The following DDHD2 variants were observed in gnomAD, a reference collection of about 807,000 sequenced individuals.
DDHD2 encodes triacylglycerol hydrolase DDHD2.
In DDHD2, 62 loss-of-function variants were observed where a neutral mutation model predicts 91.2. The ratio of observed to expected loss-of-function variants is 0.68; its 90% confidence interval spans 0.55 to 0.84. The LOEUF (loss-of-function observed/expected upper bound fraction) is 0.84. Among genes scored for constraint, DDHD2 ranks in the 40% least tolerant of loss-of-function variants. DDHD2 has a pLI of 0.00. For synonymous variants in DDHD2, 271 were observed against 293.9 expected (o/e 0.92, Z 0.80); for missense variants, 740 against 846.9 (o/e 0.87, Z 1.57).
intron 1 of DDHD2, chr8:38,268,736 C>T (rs923850521): frequency 7.0e-7 from 1 of 1,433,920 alleles, no homozygotes; most frequent in Non-Finnish European, 9.1e-7. Flanking sequence ...ATCTTAAACA[C>T]TCGAGCCCTA....
In DDHD2 at chr8:38,253,730, T is replaced by C. The variant is rs747182912; in HGVS notation, c.2054+12T>C. ...CATCTATGCTACTGGTAAATGTTGT[T>C]TATTTTTGTCTGTTTTGTTTGTTTA... On this transcript the variant is annotated intron_variant, in intron 16 of 17. Coordinates refer to ENST00000397166, the MANE Select transcript of DDHD2 (RefSeq NM_015214.3). The C allele has an allele frequency of 6.2e-7, 1 of 1,610,742 alleles. No homozygotes were observed.
chr8:38,253,477 G>A, intron 15 of DDHD2, 79 bp from the exon 16 acceptor site: 1 of 1,246,964 alleles, frequency 8.0e-7, no homozygotes, highest in Non-Finnish European at 1.1e-6. Context: ...TGGTAAACTT[G>A]GAGTGTGAGG....
At chr8:38,243,366 C>CT (rs1206186275) in intron 7 of DDHD2, among the ~76,000 whole-genome samples, 1 of 152,158 alleles carries the variant, frequency 6.6e-6, no homozygotes, top group Non-Finnish European at 1.5e-5. Context: ...GAGCTGATCT[C>CT]TTTATCGTTT....
Position 38,253,007 on chromosome 8 carries a change from C to A in DDHD2, c.1771C>A (p.Leu591Ile), listed in dbSNP as rs758122725. 5.0e-6 allele frequency: 8 copies of A among 1,614,040 alleles called. No individual in the cohort carries two copies. In the Admixed American group the frequency reaches 1.2e-4, roughly 24 times the overall value. ...GAGTATGGACCTTAAGAACAACTTG[C>A]TAGGTTCGCTGCGGATGGCCTGGAA... ...RMSMDLKNNL[L>I]GSLRMAWKSF... The change falls in exon 15 of 18, where the codon CTA becomes ATA. Residue 591 changes from leucine (L) to isoleucine (I), a missense_variant. Around this residue, in one of 2 missense-constraint regions of DDHD2, gnomAD observed 693 missense variants for 764.2 expected, o/e 0.91. Coordinates refer to ENST00000397166, the MANE Select transcript of DDHD2 (RefSeq NM_015214.3).
At chr8:38,267,387 G>A (rs773079258), downstream of DDHD2, 17 of 1,613,156 alleles carry the variant, frequency 1.1e-5, 1 homozygote, top group South Asian at 1.6e-4. Context: ...AAATCTGGGC[G>A]TGGCCTGGAA....
intron 10 of DDHD2, among the ~76,000 whole-genome samples, chr8:38,249,060 CCTT>C (rs1178150939): frequency 6.6e-6 from 1 of 151,844 alleles, no homozygotes; most frequent in African/African-American, 2.4e-5. Context: ...GGAGTATAAT[CCTT>C]CTCAGGCATG....
chr8:38,268,564 A>C lies in DDHD2; in HGVS notation n.88-2558A>C, dbSNP rs149182633. 148 of 1,500,134 alleles carry C rather than the reference A, an allele frequency of 9.9e-5. No individual in the cohort carries two copies. In the African/African-American group the frequency reaches 1.9e-3, roughly 19 times the overall value. The allele number at this position is 1,500,134 out of a possible 1,614,324, so 92.9% of individuals were successfully genotyped here. The stretch of plus-strand genomic sequence containing the variant: ...CACAGCAGGACTCACTGGAGCTAAC[A>C]TAAGGTCTCTGAGTGCGCGTAACCG... On this transcript the variant is annotated intron_variant and non_coding_transcript_variant, in intron 1 of 1. Coordinates refer to the DDHD2 transcript ENST00000526071.
intron 16 of DDHD2, among the ~76,000 whole-genome samples, chr8:38,258,116 G>A (rs976947047): frequency 5.9e-5 from 9 of 152,128 alleles, no homozygotes; most frequent in African/African-American, 2.2e-4. Flanking sequence ...GACTGCAGGT[G>A]TGCAACACCA....
intron 17 of DDHD2, 25 bp downstream of exon 17, chr8:38,260,172 T>C: frequency 8.0e-7 from 1 of 1,250,060 alleles, no homozygotes; most frequent in South Asian, 1.2e-5. Flanking sequence ...GTCATATATA[T>C]AGTGTAATTC....
intron 5 of DDHD2, among the ~76,000 whole-genome samples, chr8:38,239,850 C>T (rs949456552): frequency 6.6e-6 from 1 of 150,416 alleles, no homozygotes; most frequent in African/African-American, 2.4e-5. Flanking sequence ...CTCAGCCTCG[C>T]GAGTAGCTGG....
At chr8:38,235,184 ACTT>A (rs765562536) in intron 3 of DDHD2, among the ~76,000 whole-genome samples, 1 of 152,142 alleles carries the variant, frequency 6.6e-6, no homozygotes, top group Non-Finnish European at 1.5e-5. Flanking sequence ...TGAAATATGT[ACTT>A]CTTTTCCCCT....
chr8:38,266,053 A>G (rs1364047387), downstream of DDHD2: 7 of 1,231,310 alleles, frequency 5.7e-6, no homozygotes, highest in East Asian at 1.4e-4. Context: ...CATTCAGCAG[A>G]TATTTAGTAA....
intron 16 of DDHD2, among the ~76,000 whole-genome samples, chr8:38,259,733 C>T (rs1018831017): frequency 6.6e-6 from 1 of 152,176 alleles, no homozygotes; most frequent in Non-Finnish European, 1.5e-5. Flanking sequence ...GTTGGCCAGG[C>T]TGGCTCAAAT....
intron 7 of DDHD2, among the ~76,000 whole-genome samples, chr8:38,243,101 T>C (rs547372470): frequency 9.2e-5 from 14 of 152,324 alleles, no homozygotes; most frequent in African/African-American, 3.4e-4. Flanking sequence ...ATATTCTGTT[T>C]GCCAAACACT....
At chr8:38,271,749 T>A (rs1808489352), downstream of DDHD2, 1 of 152,216 alleles carries the variant, frequency 6.6e-6, no homozygotes, top group Non-Finnish European at 1.5e-5. Flanking sequence ...ATAAAGCAAC[T>A]TTCCAATGTC....
chr8:38,238,760 C>G (rs546039582), intron 5 of DDHD2: 1 of 824,618 alleles, frequency 1.2e-6, no homozygotes, highest in East Asian at 1.2e-4. Flanking sequence ...AAATGAAATA[C>G]TAGATAAAAG....
chr8:38,267,702 G>T, downstream of DDHD2: 1 of 655,376 alleles, frequency 1.5e-6, no homozygotes. Flanking sequence ...TGCTGTTCAG[G>T]CAGAAAAGAG....
chr8:38,267,718 G>A (rs907269599), downstream of DDHD2: 3 of 688,196 alleles, frequency 4.4e-6, no homozygotes, highest in Non-Finnish European at 4.8e-6. Context: ...AAGAGCCCAG[G>A]TGTCACCTGG....
chr8:38,269,047 A>G, intron 1 of DDHD2: 1 of 1,528,578 alleles, frequency 6.5e-7, no homozygotes, highest in Non-Finnish European at 8.8e-7. Flanking sequence ...CCGCTTCCCC[A>G]CTGCCCGACC....
Sources: allele counts gnomAD v4.1 joint callset (sites outside exome capture counted in the v4.1 genomes callset), GRCh38; gene constraint gnomAD v4.1.1; regional missense constraint gnomAD v4.1.1; transcripts MANE v1.5; gene names NCBI Gene and HGNC (gene_info 2026-07-23, HGNC 2026-07-21).